The following COMMD1 variants were observed in gnomAD, a reference collection of about 807,000 sequenced individuals.
COMMD1 encodes copper metabolism domain containing 1.
Under a neutral mutation model 17.2 loss-of-function variants are expected in COMMD1, and 10 were observed. That is an observed-to-expected ratio of 0.58 (90% CI 0.36 to 0.99). The LOEUF (loss-of-function observed/expected upper bound fraction) is 0.99. Ranked by LOEUF, COMMD1 falls within the 50% of genes least tolerant of loss-of-function variation. The pLI is 0.01. For missense variants in COMMD1, 270 were observed against 231.8 expected, an observed-to-expected ratio of 1.17 and a Z score of -1.07; for synonymous variants, 97 against 91.6, an observed-to-expected ratio of 1.06 and a Z score of -0.34.
At chr2:61,944,104 CAT>C (rs1670841638) in intron 1 of COMMD1, among the ~76,000 whole-genome samples, 1 of 152,132 alleles carries the variant, frequency 6.6e-6, no homozygotes, top group Non-Finnish European at 1.5e-5. Context: ...CAAATGTGCA[CAT>C]GAGCCAATCG....
In COMMD1 at chr2:62,071,087, A is replaced by G. The variant is rs1439814471; in HGVS notation, c.463-64744A>G. Among the ~76,000 whole-genome samples, 10 of 152,328 alleles carry G rather than the reference A, an allele frequency of 6.6e-5. No homozygotes were observed. In the South Asian group the frequency reaches 2.1e-3, roughly 32 times the overall value. Reference sequence around the variant, plus strand: ...GCGACTACATAGGCAGAGCAGAGGCATGGGCTGCTTATTCTTATTGTTACT... The same window carrying G: ...GCGACTACATAGGCAGAGCAGAGGCGTGGGCTGCTTATTCTTATTGTTACT... On this transcript the variant is annotated intron_variant, in intron 2 of 2. Transcript: ENST00000311832.
intron 1 of COMMD1, among the ~76,000 whole-genome samples, chr2:61,926,127 C>A (rs750294001): frequency 2.0e-5 from 3 of 151,962 alleles, no homozygotes; most frequent in African/African-American, 7.3e-5. Flanking sequence ...CCTACCACCA[C>A]GCCTGGCTAA....
intron 2 of COMMD1, among the ~76,000 whole-genome samples, chr2:62,080,613 T>C (rs1180943591): frequency 6.6e-6 from 1 of 152,140 alleles, no homozygotes; most frequent in Non-Finnish European, 1.5e-5. Context: ...TTTGTCAAGC[T>C]CCTTTTCAAA....
chr2:62,066,795 G>A (rs945883439), intron 2 of COMMD1, among the ~76,000 whole-genome samples: 3 of 151,618 alleles, frequency 2.0e-5, no homozygotes, highest in African/African-American at 7.3e-5. Flanking sequence ...GTGGGATTGC[G>A]GCTCACTGCA....
intron 2 of COMMD1, among the ~76,000 whole-genome samples, chr2:62,075,016 A>G (rs1379182927): frequency 1.5e-4 from 22 of 149,236 alleles, no homozygotes. Context: ...CAGCCTCCCT[A>G]GTAGCTGGAA....
At chr2:62,130,910 C>G (rs1311061094) in intron 2 of COMMD1, among the ~76,000 whole-genome samples, 1 of 152,200 alleles carries the variant, frequency 6.6e-6, no homozygotes, top group Admixed American at 6.5e-5. Context: ...CAATTATGCT[C>G]TCTAACCTTG....
chr2:62,032,737 C>T (rs936230623), intron 2 of COMMD1, among the ~76,000 whole-genome samples: 1 of 152,002 alleles, frequency 6.6e-6, no homozygotes, highest in Non-Finnish European at 1.5e-5. Flanking sequence ...TCTCTCCTCT[C>T]TCTCTTTCTC....
intron 2 of COMMD1, among the ~76,000 whole-genome samples, chr2:62,054,007 A>C (rs1670617158): frequency 6.6e-6 from 1 of 152,250 alleles, no homozygotes; most frequent in South Asian, 2.1e-4. Context: ...CTCAACAACA[A>C]GATCCAAATA....
chr2:61,996,147 A>G (rs1417633367), intron 1 of COMMD1, among the ~76,000 whole-genome samples: 1 of 152,144 alleles, frequency 6.6e-6, no homozygotes, highest in Non-Finnish European at 1.5e-5. Flanking sequence ...GCAGTGAGCT[A>G]TGGTTGTGCT....
Position 62,001,036 on chromosome 2 carries a change from T to G in COMMD1, c.462+54T>G. 2.0e-6 allele frequency: 3 copies of G among 1,511,094 alleles called. No individual in the cohort carries two copies. In the South Asian group the frequency reaches 3.4e-5, roughly 17 times the overall value. 93.6% of individuals were successfully genotyped at this position (1,511,094 alleles called of 1,614,324 possible). A position where few individuals can be genotyped will look rare whatever the true frequency, so the allele number is the denominator to read the frequency against. On this transcript the variant is annotated intron_variant, in intron 2 of 2. Transcript: ENST00000311832. ...TGTAAACTGTATTTTTCACTACATG[T>G]TAGCTTGTCTATTCAGCTTGATTTT...
At chr2:61,901,092 A>G (rs7594676), upstream of COMMD1, among the ~76,000 whole-genome samples, 17,844 of 151,668 alleles carry the variant, frequency 0.12, 2,469 homozygotes, top group African/African-American at 0.33. Flanking sequence ...GATTACAGGC[A>G]CCTGCCACCG....
intron 1 of COMMD1, among the ~76,000 whole-genome samples, chr2:61,956,093 G>A (rs919765168): frequency 3.3e-5 from 5 of 152,324 alleles, no homozygotes; most frequent in Non-Finnish European, 4.4e-5. Context: ...CGTTTCATGA[G>A]GGAAGGCACA....
intron 1 of COMMD1, among the ~76,000 whole-genome samples, chr2:61,917,181 C>G (rs1670072509): frequency 6.6e-6 from 1 of 151,916 alleles, no homozygotes; most frequent in African/African-American, 2.4e-5. Context: ...TGATGAAACC[C>G]CGTCTCTGCT....
At chr2:61,943,976 A>G (rs1275397901) in intron 1 of COMMD1, among the ~76,000 whole-genome samples, 1 of 152,200 alleles carries the variant, frequency 6.6e-6, no homozygotes, top group Non-Finnish European at 1.5e-5. Flanking sequence ...AGGCACTTCC[A>G]CTTGGCCCCC....
intron 1 of COMMD1, among the ~76,000 whole-genome samples, chr2:61,974,760 GA>G (rs1034301385): frequency 2.0e-5 from 3 of 151,224 alleles, no homozygotes; most frequent in African/African-American, 7.3e-5. Flanking sequence ...GGAAAATACA[GA>G]GAGCTCCCAT....
intron 1 of COMMD1, among the ~76,000 whole-genome samples, chr2:61,950,937 T>G (rs1671035702): frequency 6.6e-6 from 1 of 152,166 alleles, no homozygotes; most frequent in Non-Finnish European, 1.5e-5. Flanking sequence ...GAAACTGAAA[T>G]CAGGGAAAGC....
intron 2 of COMMD1, among the ~76,000 whole-genome samples, chr2:62,053,191 A>G (rs1418208577): frequency 2.6e-5 from 4 of 152,164 alleles, no homozygotes; most frequent in African/African-American, 7.2e-5. Context: ...TGAGAGGAAG[A>G]TGAGTGTAGG....
At chr2:61,895,727 C>T (rs186304327) in intron 1 of COMMD1, among the ~76,000 whole-genome samples, 3 of 152,154 alleles carry the variant, frequency 2.0e-5, no homozygotes, top group African/African-American at 7.2e-5. Flanking sequence ...TCTTAACTAC[C>T]GTTAGGGCCA....
At chr2:61,905,039 T>C (rs1044122552), upstream of COMMD1, among the ~76,000 whole-genome samples, 2 of 152,224 alleles carry the variant, frequency 1.3e-5, no homozygotes, top group South Asian at 2.1e-4. Context: ...CTGAATAATA[T>C]ATTGATTTTA....
Sources: allele counts gnomAD v4.1 joint callset (sites outside exome capture counted in the v4.1 genomes callset), GRCh38; gene constraint gnomAD v4.1.1; transcripts MANE v1.5; gene names NCBI Gene and HGNC (gene_info 2026-07-23, HGNC 2026-07-21).